The following PCDHA4 variants were observed in gnomAD, a reference collection of about 807,000 sequenced individuals.
PCDHA4 encodes the protein protocadherin alpha-4.
Under a neutral mutation model 61.4 loss-of-function variants are expected in PCDHA4, and 49 were observed. The ratio of observed to expected loss-of-function variants is 0.80; its 90% confidence interval spans 0.63 to 1.01. The LOEUF (loss-of-function observed/expected upper bound fraction) is 1.01. Ranked by LOEUF, PCDHA4 falls within the 50% of genes least tolerant of loss-of-function variation. The pLI is 0.00. For missense variants in PCDHA4, 1,254 were observed against 1,235.8 expected, an observed-to-expected ratio of 1.01 and a Z score of -0.22; for synonymous variants, 590 against 550.3, an observed-to-expected ratio of 1.07 and a Z score of -1.01.
At chr5:140,964,183 C>A (rs1422782402) in intron 1 of PCDHA4, among the ~76,000 whole-genome samples, 2 of 152,164 alleles carry the variant, frequency 1.3e-5, no homozygotes, top group Non-Finnish European at 2.9e-5. Context: ...CATTATAGTG[C>A]CAAATAGAGT....
chr5:140,844,634 A>G (rs1352743996), intron 1 of PCDHA4, among the ~76,000 whole-genome samples: 1 of 149,578 alleles, frequency 6.7e-6, no homozygotes, highest in Non-Finnish European at 1.5e-5. Flanking sequence ...AAAACTATAC[A>G]TGATAATTTC....
At chr5:140,857,904 T>A (rs781796196) in intron 1 of PCDHA4, 3 of 1,597,710 alleles carry the variant, frequency 1.9e-6, no homozygotes, top group Admixed American at 3.4e-5. Context: ...GGTGCACGCA[T>A]CCCGTTTCGC....
chr5:140,844,012 A>G (rs2150368214), intron 1 of PCDHA4, among the ~76,000 whole-genome samples: 3 of 149,698 alleles, frequency 2.0e-5, no homozygotes, highest in African/African-American at 7.3e-5. Flanking sequence ...TACTCTAAGG[A>G]CGTTCAGGGC....
At chr5:140,854,883 G>A (rs1356000756) in intron 1 of PCDHA4, among the ~76,000 whole-genome samples, 2 of 149,592 alleles carry the variant, frequency 1.3e-5, no homozygotes, top group Admixed American at 1.3e-4. Flanking sequence ...TGTCTTTTGG[G>A]CATTTGAAAA....
chr5:140,854,133 G>A (rs1220974907), intron 1 of PCDHA4: 1 of 410,736 alleles, frequency 2.4e-6, no homozygotes, highest in Non-Finnish European at 3.2e-6. Flanking sequence ...CTGCATTTCA[G>A]CCCGGGTGAC....
At chr5:140,979,104 A>G (rs1563470833) in intron 2 of PCDHA4, 97 bp downstream of exon 2, 3 of 1,539,000 alleles carry the variant, frequency 1.9e-6, no homozygotes, top group Admixed American at 2.2e-5. Context: ...TGTCAAAACT[A>G]AAAAGCTTTA....
At chr5:141,000,379 C>G (rs1286955585) in intron 3 of PCDHA4, among the ~76,000 whole-genome samples, 6 of 60,366 alleles carry the variant, frequency 9.9e-5, no homozygotes, top group South Asian at 5.4e-4. Context: ...CTCTCTCTCT[C>G]TCTCTCTCTC....
intron 3 of PCDHA4, among the ~76,000 whole-genome samples, chr5:141,007,907 A>G (rs1402621923): frequency 6.6e-6 from 1 of 152,186 alleles, no homozygotes; most frequent in Non-Finnish European, 1.5e-5. Flanking sequence ...TTCTTTGTTG[A>G]AGATGCTATA....
intron 1 of PCDHA4, chr5:140,969,383 C>T: frequency 6.3e-6 from 10 of 1,597,986 alleles, no homozygotes; most frequent in African/African-American, 1.3e-5. Context: ...TGTTACACAT[C>T]CCCCAATATC....
In PCDHA4 at chr5:140,823,957, G is replaced by A. The variant is rs191497891; in HGVS notation, c.2385+14385G>A. 71 of 1,614,042 alleles carry A rather than the reference G, an allele frequency of 4.4e-5. No individual in the cohort carries two copies. The highest frequency in any genetic ancestry group is 1.6e-4 in the Middle Eastern group (1 of 6,062). On this transcript the variant is annotated intron_variant, in intron 1 of 3. Coordinates refer to ENST00000530339, the MANE Select transcript of PCDHA4 (RefSeq NM_018907.4). ...GCTGCGGTGCTCGGCGCAGCCCACC[G>A]AGGCCGTGTGCACACGGGGCAAGCC...
chr5:140,870,658 C>G, intron 1 of PCDHA4: 3 of 1,612,534 alleles, frequency 1.9e-6, no homozygotes, highest in Non-Finnish European at 2.5e-6. Context: ...GGTGTACGCG[C>G]TGCAGCCGTT....
chr5:140,969,205 C>G (rs1046509500), intron 1 of PCDHA4: 6 of 1,614,130 alleles, frequency 3.7e-6, no homozygotes, highest in East Asian at 2.2e-5. Context: ...ATACAGGGGC[C>G]CAGACAGGAC....
rs201572428 is a variant in PCDHA4, at chr5:140,982,529, T to A, written c.2499T>A (p.Asp833Glu). 220 of 1,614,200 alleles carry A rather than the reference T, an allele frequency of 1.4e-4. No homozygotes were observed. Among genetic ancestry groups the A allele is most frequent in the Non-Finnish European group, 1.7e-4 (202 of 1,180,036 alleles). Reference sequence around the variant, plus strand: ...TACGGGCTGGTCCAGGAGGGCCTGATCAGCAGTGGCCAACAGTATCCAGTG... The same window carrying A: ...TACGGGCTGGTCCAGGAGGGCCTGAACAGCAGTGGCCAACAGTATCCAGTG... ...GILRAGPGGP[D>E]QQWPTVSSAT... Residue 833 changes from aspartate (D) to glutamate (E), a missense_variant, in exon 3 of 4, where the codon GAT becomes GAA. Transcript: ENST00000530339.
In PCDHA4 at chr5:140,968,804, G is replaced by T. The variant is rs147800392; in HGVS notation, c.2386-10145G>T. ...AGCCTCTGTGGCCATTACAGTAGCT[G>T]TGGTGGATAGGGTTTCCAAAATCCT... On this transcript the variant is annotated intron_variant, in intron 1 of 3. Transcript: ENST00000530339. 703 of 1,614,106 alleles carry T rather than the reference G, an allele frequency of 4.4e-4. No homozygotes were observed. The highest frequency in any genetic ancestry group is 5.7e-4 in the Non-Finnish European group (677 of 1,180,052).
intron 2 of PCDHA4, 155 bp downstream of exon 2, chr5:140,979,162 T>C: frequency 2.1e-6 from 2 of 975,444 alleles, no homozygotes; most frequent in Non-Finnish European, 2.4e-6. Context: ...TGTTTATTCC[T>C]TGAAAGATCG....
chr5:140,941,214 C>CTTTCTTTCTTTCTTT (rs1554214039), intron 1 of PCDHA4, among the ~76,000 whole-genome samples: 5,375 of 122,186 alleles, frequency 0.044, 196 homozygotes, highest in South Asian at 0.066. Flanking sequence ...TTTCTTTCTT[C>CTTTCTTTCTTTCTTT]CTTTCTTTCT....
At chr5:140,822,048 G>C (rs2150113216) in intron 1 of PCDHA4, 20 of 1,614,228 alleles carry the variant, frequency 1.2e-5, no homozygotes, top group South Asian at 4.4e-5. Flanking sequence ...GGATCGACCG[G>C]GAGGAGCTGT....
chr5:140,995,466 T>A (rs1325738929), intron 3 of PCDHA4, among the ~76,000 whole-genome samples: 1 of 152,196 alleles, frequency 6.6e-6, no homozygotes, highest in Non-Finnish European at 1.5e-5. Flanking sequence ...ATTTTTGAAA[T>A]TTTTCATTTA....
Position 140,966,881 on chromosome 5 carries a change from C to T in PCDHA4, c.2386-12068C>T, listed in dbSNP as rs2096065304. 4.4e-6 allele frequency: 7 copies of T among 1,588,952 alleles called. No individual in the cohort carries two copies. In the South Asian group the frequency reaches 6.7e-5, roughly 15 times the overall value. ...GCTGTTGCTGCTGCTGCTACCTGGC[C>T]CTGCGGCCTCCCAGCTGCGATACTC... On this transcript the variant is annotated intron_variant, in intron 1 of 3. Coordinates refer to ENST00000530339, the MANE Select transcript of PCDHA4 (RefSeq NM_018907.4).
Sources: allele counts gnomAD v4.1 joint callset (sites outside exome capture counted in the v4.1 genomes callset), GRCh38; gene constraint gnomAD v4.1.1; transcripts MANE v1.5; gene names NCBI Gene and HGNC (gene_info 2026-07-23, HGNC 2026-07-21).